Variants in UBR4 observed in about 807,000 individuals in gnomAD.
UBR4 encodes the protein E3 ubiquitin-protein ligase UBR4.
Under a neutral mutation model 575.6 loss-of-function variants are expected in UBR4, and 124 were observed. The observed-to-expected ratio is 0.22, with a 90% CI of 0.19 to 0.25. UBR4 has a LOEUF of 0.25. UBR4 is among the 10% of genes least tolerant of loss of function. The pLI, the probability that UBR4 is intolerant of heterozygous loss-of-function variation, is 1.00. For missense variants in UBR4, 4,818 were observed against 6,478.8 expected (o/e 0.74, Z 8.80); for synonymous variants, 2,455 against 2,473.7 (o/e 0.99, Z 0.22).
At position 19,146,848 on chromosome 1, in the gene UBR4, T is replaced by C. The variant is rs2150148667; in HGVS notation, c.7782A>G (p.Ser2594=). 1 of 1,613,794 alleles carries C rather than the reference T, an allele frequency of 6.2e-7. No homozygotes were observed. The highest frequency in any genetic ancestry group is 2.2e-5 in the East Asian group (1 of 44,864). ...RPNNLVHFTE[S]KLPQMETEGM... ...CACCTGTTTCCATCTGGGGCAGCTT[T>C]GACTCCGTAAAGTGGACAAGGTTGT... Residue 2594 remains serine, a synonymous_variant, in exon 52 of 106, where the codon TCA becomes TCG. Transcript: ENST00000375254.
chr1:19,122,841 T>C lies in UBR4; in HGVS notation c.9808A>G (p.Ile3270Val), dbSNP rs1433909921. ...SGSALQYDTLISLMEHLKACA... is the reference protein window; with the variant it reads ...SGSALQYDTLVSLMEHLKACA... Reference sequence around the variant, plus strand: ...GGTCCCAGCCCTCGTACCAGGCTGATGAGTGTGTCATATTGCAAGGCGGAG... The same window carrying C: ...GGTCCCAGCCCTCGTACCAGGCTGACGAGTGTGTCATATTGCAAGGCGGAG... Residue 3270 changes from isoleucine (I) to valine (V), a missense_variant, in exon 66 of 106, where the codon ATC becomes GTC. Physicochemically the swap from Ile to Val is conservative, Grantham distance 29 (BLOSUM62 3). Transcript: ENST00000375254. 1.2e-6 allele frequency: 2 copies of C among 1,614,182 alleles called. No individual in the cohort carries two copies. The highest frequency in any genetic ancestry group is 3.3e-5 in the Admixed American group (2 of 60,032).
intron 88 of UBR4, 87 bp downstream of exon 88, chr1:19,101,433 C>T: frequency 1.3e-6 from 2 of 1,488,000 alleles, no homozygotes; most frequent in Non-Finnish European, 1.8e-6. Context: ...TACAATTCCC[C>T]ATAACTTTAA....
In UBR4 at chr1:19,197,212, G is replaced by T; in HGVS notation, c.947C>A (p.Pro316His). The T allele has an allele frequency of 6.2e-7, 1 of 1,614,140 alleles. No individual in the cohort carries two copies. The highest frequency in any genetic ancestry group is 8.5e-7 in the Non-Finnish European group (1 of 1,180,022). The stretch of plus-strand genomic sequence containing the variant: ...AGAAGGATTGAGAGGTTCCAACACA[G>T]GTAGAGAAAGGGTATCCAATGCCAT... Reference protein sequence around the residue: ...VTMALDTLSLPVLEPLNPSRL... With the variant: ...VTMALDTLSLHVLEPLNPSRL... Residue 316 changes from proline to histidine, a missense_variant, in exon 8 of 106, where the codon CCT becomes CAT. Around this residue, in one of 29 missense-constraint regions of UBR4, gnomAD observed 131 missense variants for 214.5 expected, o/e 0.61. Transcript: ENST00000375254.
At position 19,166,714 on chromosome 1, in the gene UBR4, C is replaced by CAAAAAAAAAAAAA. The variant is rs535369262; in HGVS notation, c.4109+295_4109+307dup. Among the ~76,000 whole-genome samples the CAAAAAAAAAAAAA allele has an allele frequency of 5.4e-5, 4 of 73,754 alleles. 1 individual carries two copies. The highest frequency in any genetic ancestry group is 2.0e-4 in the African/African-American group (3 of 15,128). The allele number at this position is 73,754 out of a possible 152,430, so 48.4% of individuals were successfully genotyped here. ...ACAACATGGCAAACTCCATCTCTAC[C>CAAAAAAAAAAAAA]AAAAAAAAAAAAAAAAAAAAAAAAA... On this transcript the variant is annotated intron_variant, in intron 29 of 105. Transcript: ENST00000375254.
chr1:19,165,652 T>C lies in UBR4; in HGVS notation c.4211+4A>G, dbSNP rs1018056336. On this transcript the variant is annotated splice_donor_region_variant and intron_variant, in intron 30 of 105. Transcript: ENST00000375254. ...TTCACTGAATAAAGCAAAACACGGC[T>C]CACCTGTCAGAGAAAAACTCCTCCA... 6.2e-6 allele frequency: 10 copies of C among 1,613,110 alleles called. No individual in the cohort carries two copies. The highest frequency in any genetic ancestry group is 8.5e-6 in the Non-Finnish European group (10 of 1,179,740).
chr1:19,160,881 T>G, intron 38 of UBR4, 36 bp downstream of exon 38: 1 of 1,601,944 alleles, frequency 6.2e-7, no homozygotes, highest in Non-Finnish European at 8.5e-7. Flanking sequence ...GGCTCTGAAC[T>G]CTGTCTGCTT....
chr1:19,207,042 A>G (rs576130499), intron 1 of UBR4, among the ~76,000 whole-genome samples: 1 of 152,360 alleles, frequency 6.6e-6, no homozygotes, highest in East Asian at 1.9e-4. Context: ...TGGAGCCAGG[A>G]TATCAAAAAA....
intron 73 of UBR4, among the ~76,000 whole-genome samples, chr1:19,116,142 AGTACTTACTAT>A (rs1458670291): frequency 6.6e-6 from 1 of 152,258 alleles, no homozygotes; most frequent in African/African-American, 2.4e-5. Flanking sequence ...ATATTTACTG[AGTACTTACTAT>A]GTACTAGGCT....
chr1:19,180,340 C>T (rs1325228441), intron 17 of UBR4, among the ~76,000 whole-genome samples: 1 of 152,040 alleles, frequency 6.6e-6, no homozygotes, highest in Non-Finnish European at 1.5e-5. Context: ...AAGCGTGTGC[C>T]ACCATGCCTG....
chr1:19,134,199 A>G (rs562620635), intron 60 of UBR4, among the ~76,000 whole-genome samples: 5 of 151,642 alleles, frequency 3.3e-5, no homozygotes, highest in African/African-American at 1.2e-4. Context: ...AGTTGCAATC[A>G]GCTATGATTG....
intron 55 of UBR4, among the ~76,000 whole-genome samples, chr1:19,142,343 G>T (rs976426034): frequency 6.6e-6 from 1 of 152,194 alleles, no homozygotes; most frequent in East Asian, 1.9e-4. Flanking sequence ...AGGTGAGAAG[G>T]CCTTCTAATA....
At chr1:19,144,986 C>CA in intron 53 of UBR4, 79 bp from the exon 54 acceptor site, 1 of 1,539,772 alleles carries the variant, frequency 6.5e-7, no homozygotes, top group Non-Finnish European at 8.9e-7. Context: ...AAAAGTGTAA[C>CA]CTTTTATCTC....
intron 92 of UBR4, 23 bp downstream of exon 92, chr1:19,096,500 A>G (rs762934839): frequency 6.2e-7 from 1 of 1,608,126 alleles, no homozygotes; most frequent in African/African-American, 1.3e-5. Flanking sequence ...GCTGGCCCCC[A>G]CAACTTGCTG....
At chr1:19,074,968 C>T (rs1026892567) in intron 105 of UBR4, 72 bp from the exon 106 acceptor site, 1 of 1,514,760 alleles carries the variant, frequency 6.6e-7, no homozygotes, top group Admixed American at 1.8e-5. Flanking sequence ...GTCACAGCTG[C>T]CGCATCTAGC....
Position 19,093,096 on chromosome 1 carries a change from A to T in UBR4, c.14112-178T>A. Reference sequence around the variant, plus strand: ...GCTGAAAAGCCAGAAAGAAGTGAGTACTCTAAGTAGAAACCAAAAAGTTGC... The same window carrying T: ...GCTGAAAAGCCAGAAAGAAGTGAGTTCTCTAAGTAGAAACCAAAAAGTTGC... On this transcript the variant is annotated intron_variant, in intron 96 of 105. Transcript: ENST00000375254. The surrounding 1 kb of genome is among the most constrained non-coding windows in gnomAD (Gnocchi z 4.8). Among the ~76,000 whole-genome samples the T allele has an allele frequency of 6.6e-6, 1 of 152,218 alleles. No homozygotes were observed. Among genetic ancestry groups the T allele is most frequent in the East Asian group, 1.9e-4 (1 of 5,196 alleles).
Position 19,146,970 on chromosome 1 carries a change from A to C in UBR4, c.7660T>G (p.Cys2554Gly). The change falls in exon 52 of 106, where the codon TGT becomes GGT. Residue 2554 changes from cysteine (C) to glycine (G), a missense_variant. Cys to Gly is a radical substitution (Grantham distance 159). Around this residue, in one of 29 missense-constraint regions of UBR4, gnomAD observed 340 missense variants for 375.4 expected, o/e 0.91. Coordinates refer to ENST00000375254, the MANE Select transcript of UBR4 (RefSeq NM_020765.3). Reference sequence around the variant, plus strand: ...CCCTCTTTGCTAGATGTGTTGAGACACTGCACAGCTTTGCTCAGCAAGGCC... The same window carrying C: ...CCCTCTTTGCTAGATGTGTTGAGACCCTGCACAGCTTTGCTCAGCAAGGCC... The part of the protein sequence containing the change: ...DQALLSKAVQ[C>G]LNTSSKEGKD... 1 of 1,612,326 alleles carries C rather than the reference A, an allele frequency of 6.2e-7. No homozygotes were observed. Among genetic ancestry groups the C allele is most frequent in the Non-Finnish European group, 8.5e-7 (1 of 1,178,884 alleles).
At chr1:19,202,702 A>G (rs1396684359) in intron 1 of UBR4, among the ~76,000 whole-genome samples, 2 of 152,108 alleles carry the variant, frequency 1.3e-5, no homozygotes, top group African/African-American at 4.8e-5. Flanking sequence ...TTCTGAAAAA[A>G]TCTAGAGACC....
intron 5 of UBR4, among the ~76,000 whole-genome samples, chr1:19,198,338 C>G (rs911842975): frequency 1.3e-5 from 2 of 152,172 alleles, no homozygotes; most frequent in African/African-American, 2.4e-5. Flanking sequence ...CTAGAATGGT[C>G]GTCAAAACAG....
Position 19,197,187 on chromosome 1 carries a change from A to T in UBR4, c.972T>A (p.Ser324=), listed in dbSNP as rs2092509172. Residue 324 remains serine (S), a synonymous_variant, in exon 8 of 106, where the codon TCT becomes TCA. Coordinates refer to ENST00000375254, the MANE Select transcript of UBR4 (RefSeq NM_020765.3). ...TGAGGACTGTCACATCTTGTAGACGAGAAGGATTGAGAGGTTCCAACACAG... is the reference window on the plus strand; with the variant it reads ...TGAGGACTGTCACATCTTGTAGACGTGAAGGATTGAGAGGTTCCAACACAG... ...SLPVLEPLNP[S]RLQDVTVLSL... 3 of 1,614,086 alleles carry T rather than the reference A, an allele frequency of 1.9e-6. No individual in the cohort carries two copies. Among genetic ancestry groups the T allele is most frequent in the Non-Finnish European group, 2.5e-6 (3 of 1,180,038 alleles).
Sources: allele counts gnomAD v4.1 joint callset (sites outside exome capture counted in the v4.1 genomes callset), GRCh38; gene constraint gnomAD v4.1.1; regional missense constraint gnomAD v4.1.1; non-coding constraint Gnocchi (gnomAD v3.1); transcripts MANE v1.5; gene names NCBI Gene and HGNC (gene_info 2026-07-23, HGNC 2026-07-21).